The following PDE8B variants were observed in gnomAD, a reference collection of about 807,000 sequenced individuals.
PDE8B encodes the protein high affinity cAMP-specific and IBMX-insensitive 3',5'-cyclic phosphodiesterase 8B.
Under a neutral mutation model 101.3 loss-of-function variants are expected in PDE8B, and 26 were observed. The observed-to-expected ratio is 0.26, with a 90% CI of 0.19 to 0.36. The LOEUF (loss-of-function observed/expected upper bound fraction) is 0.36. PDE8B is among the 10% of genes least tolerant of loss of function. PDE8B has a pLI of 1.00. For missense variants in PDE8B, 810 were observed against 1,163.1 expected, an observed-to-expected ratio of 0.70 and a Z score of 4.42; for synonymous variants, 424 against 429.3, an observed-to-expected ratio of 0.99 and a Z score of 0.15.
chr5:77,133,234 G>A, the PDE8B span, among the ~76,000 whole-genome samples: 1 of 152,186 alleles, frequency 6.6e-6, no homozygotes, highest in African/African-American at 2.4e-5. Context: ...GAACAAACAG[G>A]CTGATGACTA....
intron 1 of PDE8B, among the ~76,000 whole-genome samples, chr5:77,271,559 G>A (rs1222713244): frequency 6.6e-6 from 1 of 152,188 alleles, no homozygotes; most frequent in Admixed American, 6.5e-5. Flanking sequence ...GTTTTTTGAT[G>A]TGAAGAACTT....
intron 19 of PDE8B, among the ~76,000 whole-genome samples, 164 bp from the exon 20 acceptor site, chr5:77,421,655 ATG>A (rs902031397): frequency 1.2e-4 from 18 of 152,062 alleles, no homozygotes; most frequent in Non-Finnish European, 2.1e-4. Flanking sequence ...TTTTTAAAGA[ATG>A]TGTCAGTATA....
chr5:77,380,967 A>G (rs1315310663), intron 10 of PDE8B, among the ~76,000 whole-genome samples: 3 of 152,192 alleles, frequency 2.0e-5, no homozygotes, highest in African/African-American at 7.2e-5. Flanking sequence ...GTGGAGCTGC[A>G]AGTACAAAGA....
At chr5:77,328,555 C>G (rs1776491683) in intron 3 of PDE8B, among the ~76,000 whole-genome samples, 1 of 151,902 alleles carries the variant, frequency 6.6e-6, no homozygotes, top group Non-Finnish European at 1.5e-5. Flanking sequence ...CCAGCAAGTG[C>G]TTTAATTTTT....
At chr5:77,213,517 G>T (rs1306944870) in intron 1 of PDE8B, among the ~76,000 whole-genome samples, 1 of 152,138 alleles carries the variant, frequency 6.6e-6, no homozygotes, top group Non-Finnish European at 1.5e-5. Flanking sequence ...GTGCCCTTTT[G>T]TTGCTGAGAT....
Position 77,382,602 on chromosome 5 carries a change from C to A in PDE8B, c.1168-17646C>A, listed in dbSNP as rs183230645. 5.5e-3 allele frequency among the ~76,000 whole-genome samples: 836 copies of A among 151,764 alleles called. 13 individuals carry two copies. Among genetic ancestry groups the A allele is most frequent in the Admixed American group, 0.02 (310 of 15,264 alleles). On this transcript the variant is annotated intron_variant, in intron 10 of 21. Transcript: ENST00000264917. ...AACCCCCACCCCACCCTCCGACAGG[C>A]CCCAGTGTGTGATGTGTGATGTTCC...
chr5:77,107,611 G>C, the PDE8B span, among the ~76,000 whole-genome samples: 89,637 of 151,966 alleles, frequency 0.59, 26,607 homozygotes, highest in East Asian at 0.72. Context: ...ATCTTAGGGA[G>C]AGGTATTCAG....
At chr5:77,129,532 G>T in the PDE8B span, among the ~76,000 whole-genome samples, 2 of 152,142 alleles carry the variant, frequency 1.3e-5, no homozygotes, top group Admixed American at 1.3e-4. Context: ...GGGTTTGTTT[G>T]CTCAGGTTCC....
chr5:77,256,491 TC>T (rs532678320), intron 1 of PDE8B, among the ~76,000 whole-genome samples: 47 of 152,360 alleles, frequency 3.1e-4, no homozygotes, highest in African/African-American at 1.1e-3. Flanking sequence ...CATTATTCAG[TC>T]ACGCATCTTG....
intron 10 of PDE8B, among the ~76,000 whole-genome samples, chr5:77,379,906 G>C (rs754794501): frequency 3.3e-5 from 5 of 152,044 alleles, no homozygotes; most frequent in Non-Finnish European, 5.9e-5. Flanking sequence ...CAGTTCCTGC[G>C]ATCACATCTC....
chr5:77,093,531 A>G, the PDE8B span, among the ~76,000 whole-genome samples: 10 of 152,200 alleles, frequency 6.6e-5, no homozygotes, highest in African/African-American at 2.2e-4. Flanking sequence ...TTTGGCACCC[A>G]ATGAGTAGAA....
upstream of PDE8B, chr5:77,210,530 G>C (rs1748021086): frequency 1.3e-6 from 1 of 776,678 alleles, no homozygotes; most frequent in Non-Finnish European, 1.6e-6. This position sits in a 1 kb window ranked among gnomAD's most constrained non-coding sequence, Gnocchi z 4.9. Context: ...GGGCGCCCTG[G>C]CCCAGGGCCG....
At chr5:77,311,508 A>C (rs1772612440) in intron 1 of PDE8B, among the ~76,000 whole-genome samples, 1 of 152,174 alleles carries the variant, frequency 6.6e-6, no homozygotes, top group African/African-American at 2.4e-5. Flanking sequence ...AAGATAAGAA[A>C]ACCAAGATCT....
At chr5:77,189,766 C>T in the PDE8B span, among the ~76,000 whole-genome samples, 1 of 152,184 alleles carries the variant, frequency 6.6e-6, no homozygotes, top group East Asian at 1.9e-4. Context: ...AAGACCAGGT[C>T]AGATGGGAAG....
At chr5:77,271,155 T>C (rs1459745455) in intron 1 of PDE8B, among the ~76,000 whole-genome samples, 2 of 152,248 alleles carry the variant, frequency 1.3e-5, no homozygotes, top group East Asian at 1.9e-4. Context: ...TAAAGAAGAA[T>C]GGCAGTTTAT....
intron 12 of PDE8B, 113 bp from the exon 13 acceptor site, chr5:77,407,268 G>T (rs1327975629): frequency 1.2e-6 from 1 of 805,818 alleles, no homozygotes. Context: ...GGCTTTTTAG[G>T]TGGGAGGGTG....
At chr5:77,263,274 A>G (rs982843602) in intron 1 of PDE8B, among the ~76,000 whole-genome samples, 7 of 152,262 alleles carry the variant, frequency 4.6e-5, no homozygotes, top group Non-Finnish European at 1.0e-4. Context: ...ATTAAGATCA[A>G]TGCGAACTTT....
chr5:77,259,689 G>A (rs1434963956), intron 1 of PDE8B, among the ~76,000 whole-genome samples: 1 of 152,160 alleles, frequency 6.6e-6, no homozygotes, highest in Non-Finnish European at 1.5e-5. Context: ...CCTTCACCCA[G>A]CAAGTCCCCA....
chr5:77,230,363 C>T (rs1464652097), intron 1 of PDE8B, among the ~76,000 whole-genome samples: 2 of 152,232 alleles, frequency 1.3e-5, no homozygotes, highest in Non-Finnish European at 1.5e-5. Context: ...CACCACTTCT[C>T]ACACTGGCTT....
Sources: allele counts gnomAD v4.1 joint callset (sites outside exome capture counted in the v4.1 genomes callset), GRCh38; gene constraint gnomAD v4.1.1; non-coding constraint Gnocchi (gnomAD v3.1); transcripts MANE v1.5; gene names NCBI Gene and HGNC (gene_info 2026-07-23, HGNC 2026-07-21).